Variants in ACOX3 observed in about 807,000 individuals in gnomAD.
ACOX3 encodes the protein acyl-CoA oxidase 3, pristanoyl.
Under a neutral mutation model 81.5 loss-of-function variants are expected in ACOX3, and 73 were observed. The ratio of observed to expected loss-of-function variants is 0.90; its 90% CI spans 0.74 to 1.09. ACOX3 has a LOEUF of 1.09. Ranked by LOEUF, ACOX3 falls within the 50% of genes least tolerant of loss-of-function variation. The pLI is 0.00. For missense variants in ACOX3, 947 were observed against 928.0 expected (o/e 1.02, Z -0.27); for synonymous variants, 387 against 375.1 (o/e 1.03, Z -0.37).
At chr4:8,356,356 G>A in the ACOX3 span, 1 of 372,692 alleles carries the variant, frequency 2.7e-6, no homozygotes, top group South Asian at 2.0e-5. Context: ...TGCAGAGCAT[G>A]TCTCAGCAAG....
Position 8,381,610 on chromosome 4 carries a change from T to C in ACOX3, c.1538-3A>G. ...CCACTTGTATGCTGCCAGGGCGACT[T>C]CGGAATGACAAACAGAAGGAGAAAA... is the stretch of plus-strand genomic sequence containing the variant. On this transcript the variant is annotated splice_region_variant and splice_polypyrimidine_tract_variant and intron_variant, in intron 13 of 17. Coordinates refer to ENST00000356406, the MANE Select transcript of ACOX3 (RefSeq NM_003501.3). The surrounding 1 kb of genome is among the most constrained non-coding windows in gnomAD (Gnocchi z 4.3). 6.2e-7 allele frequency: 1 copy of C among 1,605,668 alleles called. No individual in the cohort carries two copies. Among genetic ancestry groups the C allele is most frequent in the Non-Finnish European group, 8.5e-7 (1 of 1,173,306 alleles).
rs544849810 is a variant in ACOX3 at position 8,385,047 on chromosome 4, A to G, written c.1538-3440T>C. Among the ~76,000 whole-genome samples, 3 of 152,220 alleles carry G rather than the reference A, an allele frequency of 2.0e-5. No homozygotes were observed. In the South Asian group the frequency reaches 6.2e-4, roughly 32 times the overall value. ...GCAGCAGCCCCCCACCGAGGGCACC[A>G]TGGCCTGGCCCCTGCCAGGTGGCAT... On this transcript the variant is annotated intron_variant, in intron 13 of 17. Transcript: ENST00000356406. The surrounding 1 kb of genome is among the most constrained non-coding windows in gnomAD (Gnocchi z 5.5).
rs535181354 is a variant in ACOX3, at chr4:8,437,122, T to A, written c.-15+3526A>T. ...ATATTTACATATATATGTAAAAAAA[T>A]ATATGTAAATATATATATAAATATA... On this transcript the variant is annotated intron_variant, in intron 1 of 17. Coordinates refer to ENST00000356406, the MANE Select transcript of ACOX3 (RefSeq NM_003501.3). The surrounding 1 kb of genome is among the most constrained non-coding windows in gnomAD (Gnocchi z 5.2). Among the ~76,000 whole-genome samples, 169 of 114,416 alleles carry A rather than the reference T, an allele frequency of 1.5e-3. No homozygotes were observed. The highest frequency in any genetic ancestry group is 6.0e-3 in the Middle Eastern group (1 of 166). The allele number at this position is 114,416 out of a possible 152,430, so 75.1% of individuals were successfully genotyped here.
At position 8,405,885 on chromosome 4, in the gene ACOX3, T is replaced by C. The variant is rs1720885679; in HGVS notation, c.776+70A>G. The C allele has an allele frequency of 6.8e-7, 1 of 1,473,632 alleles. No individual in the cohort carries two copies. The allele number at this position is 1,473,632 out of a possible 1,614,324, so 91.3% of individuals were successfully genotyped here. On this transcript the variant is annotated intron_variant, in intron 7 of 17. Transcript: ENST00000356406. The surrounding 1 kb of genome is among the most constrained non-coding windows in gnomAD (Gnocchi z 7.1). ...TGGCATCCATGGGGCCAGTGAGATCTCAGACATGAGCGACAACGCAGCCTG... is the reference window on the plus strand; with the variant it reads ...TGGCATCCATGGGGCCAGTGAGATCCCAGACATGAGCGACAACGCAGCCTG...
chr4:8,397,656 G>T (rs1719869507), intron 8 of ACOX3, among the ~76,000 whole-genome samples: 1 of 152,216 alleles, frequency 6.6e-6, no homozygotes, highest in Non-Finnish European at 1.5e-5. Flanking sequence ...GTCAGCAGAG[G>T]CTGTTGCTAA....
chr4:8,361,710 T>C (rs1364842379), downstream of ACOX3, among the ~76,000 whole-genome samples: 1 of 152,232 alleles, frequency 6.6e-6, no homozygotes, highest in Non-Finnish European at 1.5e-5. Context: ...AAACTTACCT[T>C]ATGGCCAAAC....
chr4:8,360,535 G>T, the ACOX3 span, among the ~76,000 whole-genome samples: 3 of 150,628 alleles, frequency 2.0e-5, no homozygotes, highest in Non-Finnish European at 4.4e-5. Flanking sequence ...GCAGTGGTGC[G>T]ATCTCGGCTC....
In ACOX3 at chr4:8,373,582, G is replaced by A. The variant is rs755506855; in HGVS notation, c.1875C>T (p.Ala625=). 39 of 1,613,662 alleles carry A rather than the reference G, an allele frequency of 2.4e-5. No homozygotes were observed. The South Asian group carries it at 3.1e-4, about 13-fold the overall frequency. Residue 625 remains alanine (A), a synonymous_variant, in exon 16 of 18, where the codon GCC becomes GCT. Transcript: ENST00000356406. Reference sequence around the variant, plus strand: ...TCACCTGGGAACACAAAGCCAGGACGGCGCTCTCCAACACTTCTCCCGCCT... The same window carrying A: ...TCACCTGGGAACACAAAGCCAGGACAGCGCTCTCCAACACTTCTCCCGCCT... ...GEQAGEVLES[A]VLALCSQLKD... is the part of the protein sequence containing the mutation.
At position 8,389,236 on chromosome 4, in the gene ACOX3, A is replaced by G; in HGVS notation, c.1474T>C (p.Tyr492His). 2 of 1,613,914 alleles carry G rather than the reference A, an allele frequency of 1.2e-6. No homozygotes were observed. Among genetic ancestry groups the G allele is most frequent in the Non-Finnish European group, 8.5e-7 (1 of 1,179,942 alleles). ...AACTTCTGGTCAAGGATGCCGGGAT[A>G]GGCGTCCAGAAAGTCCACTGACTTC... is the stretch of plus-strand genomic sequence containing the variant. ...PLKSVDFLDA[Y>H]PGILDQKFEV... is the part of the protein sequence containing the mutation. The change falls in exon 13 of 18, where the codon TAT becomes CAT. Residue 492 changes from tyrosine (Y) to histidine (H), a missense_variant. Coordinates refer to ENST00000356406, the MANE Select transcript of ACOX3 (RefSeq NM_003501.3). The surrounding 1 kb of genome is among the most constrained non-coding windows in gnomAD (Gnocchi z 5.3).
chr4:8,396,680 A>G (rs1280529103), intron 9 of ACOX3, among the ~76,000 whole-genome samples: 68 of 103,366 alleles, frequency 6.6e-4, no homozygotes, highest in Middle Eastern at 4.8e-3. Flanking sequence ...TCCGTCTGGG[A>G]AAAAAAAAAA....
the ACOX3 span, among the ~76,000 whole-genome samples, chr4:8,359,993 T>G: frequency 6.6e-6 from 1 of 152,158 alleles, no homozygotes; most frequent in Admixed American, 6.5e-5. This position sits in a 1 kb window ranked among gnomAD's most constrained non-coding sequence, Gnocchi z 6.0. Flanking sequence ...TAGGACACCT[T>G]TAAGCCTGCT....
In ACOX3 at chr4:8,406,105, A is replaced by C; in HGVS notation, c.688-62T>G. 1.3e-6 allele frequency: 2 copies of C among 1,534,270 alleles called. No homozygotes were observed. The highest frequency in any genetic ancestry group is 1.8e-6 in the Non-Finnish European group (2 of 1,109,292). ...TTACAATCACACAAAAATCAAAACA[A>C]ATGTGTTCAGAAACCCACAGGGTGG... On this transcript the variant is annotated intron_variant, in intron 6 of 17. Transcript: ENST00000356406. This position sits in a 1 kb window ranked among gnomAD's most constrained non-coding sequence, Gnocchi z 5.6.
chr4:8,393,314 T>C (rs1313342985), intron 10 of ACOX3, among the ~76,000 whole-genome samples: 1 of 86,112 alleles, frequency 1.2e-5, no homozygotes, highest in Non-Finnish European at 2.3e-5. Flanking sequence ...GGTGACACCC[T>C]GTCTCTACTG....
At chr4:8,397,564 T>C (rs1719857238) in intron 8 of ACOX3, among the ~76,000 whole-genome samples, 2 of 152,210 alleles carry the variant, frequency 1.3e-5, no homozygotes, top group African/African-American at 4.8e-5. Flanking sequence ...TCTTGATCCT[T>C]GTGTGCCTGT....
intron 1 of ACOX3, among the ~76,000 whole-genome samples, chr4:8,433,037 A>T (rs1724039720): frequency 6.6e-6 from 1 of 152,242 alleles, no homozygotes; most frequent in South Asian, 2.1e-4. Flanking sequence ...AGAAAGTCCT[A>T]CAGGACAGTG....
chr4:8,417,468 G>C (rs1722461742), intron 1 of ACOX3, among the ~76,000 whole-genome samples: 1 of 152,054 alleles, frequency 6.6e-6, no homozygotes, highest in Non-Finnish European at 1.5e-5. Flanking sequence ...CCCTCCAACA[G>C]CTGTGAGCCA....
intron 7 of ACOX3, among the ~76,000 whole-genome samples, chr4:8,403,012 C>A (rs145702833): frequency 3.9e-5 from 6 of 152,092 alleles, no homozygotes; most frequent in Admixed American, 3.9e-4. Context: ...GGCAAACGCA[C>A]GAAGAAAGAC....
intron 14 of ACOX3, among the ~76,000 whole-genome samples, chr4:8,375,368 C>A (rs898384222): frequency 4.6e-5 from 7 of 152,208 alleles, no homozygotes; most frequent in Non-Finnish European, 7.3e-5. Context: ...GCTGGGACTG[C>A]TCTGGCTCCA....
intron 6 of ACOX3, among the ~76,000 whole-genome samples, chr4:8,408,911 G>C (rs1560193671): frequency 9.9e-6 from 1 of 100,780 alleles, no homozygotes; most frequent in East Asian, 3.8e-4. Context: ...GGGTGGGGGG[G>C]GGGTGGGGGC....
Sources: allele counts gnomAD v4.1 joint callset (sites outside exome capture counted in the v4.1 genomes callset), GRCh38; gene constraint gnomAD v4.1.1; non-coding constraint Gnocchi (gnomAD v3.1); transcripts MANE v1.5; gene names NCBI Gene and HGNC (gene_info 2026-07-23, HGNC 2026-07-21).